Variants in ZBTB20 observed in about 807,000 individuals in gnomAD.
ZBTB20 encodes the protein zinc finger and BTB domain-containing protein 20.
A neutral mutation model predicts 56.9 loss-of-function variants in ZBTB20; 9 were observed. The observed-to-expected ratio is 0.16, with a 90% CI of 0.10 to 0.28. The LOEUF is 0.28. ZBTB20 is among the 10% of genes least tolerant of loss of function. The pLI is 1.00. For missense variants in ZBTB20, 655 were observed against 1,003.0 expected (o/e 0.65, Z 4.69); for synonymous variants, 417 against 420.7 (o/e 0.99, Z 0.11).
intron 4 of ZBTB20, among the ~76,000 whole-genome samples, chr3:114,848,582 TCA>T (rs2074835982): frequency 6.6e-6 from 1 of 152,184 alleles, no homozygotes; most frequent in Non-Finnish European, 1.5e-5. Context: ...ATCAGCTGGC[TCA>T]GTGTCTCTAC....
At chr3:114,955,816 T>C (rs1028890940) in intron 3 of ZBTB20, among the ~76,000 whole-genome samples, 7 of 152,288 alleles carry the variant, frequency 4.6e-5, no homozygotes, top group East Asian at 1.9e-4. Context: ...GGGTGTACTT[T>C]ATTCTGTTTT....
At chr3:114,474,405 C>A (rs1264651944) in intron 7 of ZBTB20, among the ~76,000 whole-genome samples, 1 of 152,186 alleles carries the variant, frequency 6.6e-6, no homozygotes, top group Non-Finnish European at 1.5e-5. Flanking sequence ...TGGTTAAGAA[C>A]AAACAAAGTG....
intron 6 of ZBTB20, among the ~76,000 whole-genome samples, chr3:114,629,346 T>G (rs1031852448): frequency 3.9e-5 from 6 of 152,326 alleles, no homozygotes; most frequent in Non-Finnish European, 7.4e-5. Flanking sequence ...TATCCTAGCA[T>G]TAATAATCTA....
intron 4 of ZBTB20, among the ~76,000 whole-genome samples, chr3:114,884,895 A>C (rs1278275366): frequency 5.9e-5 from 9 of 152,176 alleles, no homozygotes; most frequent in Admixed American, 5.9e-4. Flanking sequence ...TAGCTCCTCT[A>C]ACAAACCCTG....
intron 6 of ZBTB20, among the ~76,000 whole-genome samples, chr3:114,637,497 T>G (rs1490651646): frequency 6.6e-6 from 1 of 152,160 alleles, no homozygotes; most frequent in East Asian, 1.9e-4. Flanking sequence ...TAGGTTCCAG[T>G]ACTTCCCAAC....
intron 5 of ZBTB20, among the ~76,000 whole-genome samples, chr3:114,701,775 A>G (rs1051635619): frequency 6.6e-6 from 1 of 152,182 alleles, no homozygotes; most frequent in Non-Finnish European, 1.5e-5. Context: ...CTCCATGCCA[A>G]TGATGAGAGC....
chr3:114,649,316 A>C (rs1222231318), intron 6 of ZBTB20, among the ~76,000 whole-genome samples: 1 of 152,028 alleles, frequency 6.6e-6, no homozygotes, highest in East Asian at 1.9e-4. Context: ...AAGAAGATAT[A>C]CTCTAAAAAT....
intron 6 of ZBTB20, among the ~76,000 whole-genome samples, chr3:114,629,228 A>G (rs2058804544): frequency 6.6e-6 from 1 of 152,126 alleles, no homozygotes; most frequent in Non-Finnish European, 1.5e-5. Context: ...CCCATTTGTA[A>G]AATAGGGATG....
intron 4 of ZBTB20, among the ~76,000 whole-genome samples, chr3:114,872,283 T>A (rs1197108499): frequency 1.8e-4 from 28 of 152,020 alleles, no homozygotes; most frequent in Non-Finnish European, 1.8e-4. Flanking sequence ...ACTCAAGAGG[T>A]TTCCAGTACA....
chr3:114,789,141 T>C (rs1013529853), intron 5 of ZBTB20, among the ~76,000 whole-genome samples: 6 of 152,174 alleles, frequency 3.9e-5, no homozygotes, highest in African/African-American at 1.4e-4. Context: ...ATGCATAGGA[T>C]CTAAAGAGCA....
intron 5 of ZBTB20, chr3:114,791,979 C>T (rs2070989577): frequency 6.6e-6 from 1 of 152,114 alleles, no homozygotes; most frequent in Admixed American, 6.6e-5. Context: ...TTCAAATTGC[C>T]TTTTGGGATA....
At chr3:114,747,332 G>C (rs1006108325) in intron 5 of ZBTB20, among the ~76,000 whole-genome samples, 1 of 152,158 alleles carries the variant, frequency 6.6e-6, no homozygotes, top group Non-Finnish European at 1.5e-5. Context: ...TTGAGAGGCT[G>C]AGGCAGGCAG....
intron 4 of ZBTB20, among the ~76,000 whole-genome samples, chr3:114,839,460 A>AAAGAAAGT (rs2074279626): frequency 6.6e-6 from 1 of 151,592 alleles, no homozygotes; most frequent in African/African-American, 2.4e-5. Flanking sequence ...AGAAAGAAAG[A>AAAGAAAGT]AAGAAAGAGA....
At chr3:114,670,930 G>A (rs1324706882) in intron 6 of ZBTB20, among the ~76,000 whole-genome samples, 2 of 152,082 alleles carry the variant, frequency 1.3e-5, no homozygotes, top group Non-Finnish European at 2.9e-5. Flanking sequence ...CAAAGAACTT[G>A]AAGGAACTGT....
chr3:115,078,448 CAT>C (rs1180752245), intron 1 of ZBTB20, among the ~76,000 whole-genome samples: 9 of 152,014 alleles, frequency 5.9e-5, no homozygotes, highest in Non-Finnish European at 1.0e-4. Flanking sequence ...AAAGTTTTCA[CAT>C]GTTTCACTCA....
At chr3:114,506,119 A>C (rs575414174) in intron 6 of ZBTB20, among the ~76,000 whole-genome samples, 1 of 152,250 alleles carries the variant, frequency 6.6e-6, no homozygotes, top group East Asian at 1.9e-4. Context: ...AAATGCCACA[A>C]ATGGTCATAC....
chr3:114,721,061 A>G (rs946128722), intron 5 of ZBTB20, among the ~76,000 whole-genome samples: 2 of 152,166 alleles, frequency 1.3e-5, no homozygotes, highest in Non-Finnish European at 2.9e-5. Context: ...AAATTGAGAT[A>G]TGTATTTGGG....
At chr3:114,526,521 TA>T (rs2047239714) in intron 6 of ZBTB20, among the ~76,000 whole-genome samples, 2 of 152,080 alleles carry the variant, frequency 1.3e-5, no homozygotes, top group African/African-American at 2.4e-5. Flanking sequence ...TGATAAATAA[TA>T]AATAATAATA....
intron 5 of ZBTB20, among the ~76,000 whole-genome samples, chr3:114,791,140 A>C (rs1412022055): frequency 6.6e-6 from 1 of 152,150 alleles, no homozygotes; most frequent in Non-Finnish European, 1.5e-5. Flanking sequence ...AGATAGGAGA[A>C]AGTGTCCCCT....
Sources: gnomAD v4.1 joint callset for allele counts (sites outside exome capture counted in the v4.1 genomes callset) on GRCh38, gnomAD v4.1.1 for gene constraint, MANE v1.5 for transcripts, NCBI Gene and HGNC (gene_info 2026-07-23, HGNC 2026-07-21) for gene names.